IL37: variants seen among roughly 807,000 people sequenced by gnomAD.
IL37 encodes the protein interleukin-37.
Under a neutral mutation model 15.4 loss-of-function variants are expected in IL37, and 15 were observed. The observed-to-expected ratio is 0.98, with a 90% confidence interval of 0.65 to 1.50. IL37 has a LOEUF of 1.50. Among genes scored for constraint, IL37 ranks in the 40% most tolerant of loss-of-function variants. The pLI is 0.00. For missense variants in IL37, 269 were observed against 261.7 expected (o/e 1.03, Z -0.19); for synonymous variants, 98 against 97.4 (o/e 1.01, Z -0.03).
At position 112,918,155 on chromosome 2, in the gene IL37, G is replaced by A. The variant is rs187440057; in HGVS notation, c.408+378G>A. Among the ~76,000 whole-genome samples, 236 of 151,680 alleles carry A rather than the reference G, an allele frequency of 1.6e-3. 1 individual carries two copies. Among genetic ancestry groups the A allele is most frequent in the South Asian group, 5.4e-3 (26 of 4,792 alleles). On this transcript the variant is annotated intron_variant, in intron 5 of 5. Transcript: ENST00000263326. Reference sequence around the variant, plus strand: ...GGTAGGAGGGTGTGAGGGAGCACTCGGAGGGCAGTGTGTCTGCCCTGCAAA... The same window carrying A: ...GGTAGGAGGGTGTGAGGGAGCACTCAGAGGGCAGTGTGTCTGCCCTGCAAA...
rs749879623 is a variant in IL37, at chr2:112,915,309, T to G, written c.145+1455T>G. On this transcript the variant is annotated intron_variant, in intron 3 of 5. Transcript: ENST00000263326. ...GAAAAGTAGCTTCTTAAAAAGAGCA[T>G]TTTCCAGTCTCACCCTGGACTAACT... The G allele has an allele frequency of 2.0e-6, 3 of 1,480,662 alleles. No homozygotes were observed. In the Admixed American group the frequency reaches 5.1e-5, roughly 25 times the overall value. 91.7% of individuals were successfully genotyped at this position (1,480,662 alleles called of 1,614,324 possible).
intron 3 of IL37, 66 bp from the exon 4 acceptor site, chr2:112,917,063 G>C: frequency 6.3e-7 from 1 of 1,583,756 alleles, no homozygotes; most frequent in South Asian, 1.1e-5. Flanking sequence ...CCTTGGACGT[G>C]GGGAAGAAAG....
rs2723171 is a variant in IL37, at chr2:112,911,226, G to C, written c.-73G>C. On this transcript the variant is annotated 5_prime_UTR_variant, in exon 1 of 6. Coordinates refer to ENST00000263326, the MANE Select transcript of IL37 (RefSeq NM_014439.4). ...TCCAGGAGTCCAAGACAGAGCCACA[G>C]ACCACGAGGATCCCTGGCCCAGGTA... Among the ~76,000 whole-genome samples the C allele has an allele frequency of 0.095, 14,477 of 152,288 alleles. 892 individuals are homozygous for C. The highest frequency in any genetic ancestry group is 0.16 in the African/African-American group (6,657 of 41,544).
At chr2:112,912,114 C>T (rs186556397) in intron 1 of IL37, among the ~76,000 whole-genome samples, 1 of 152,272 alleles carries the variant, frequency 6.6e-6, no homozygotes, top group East Asian at 1.9e-4. Context: ...TGGATTTGTA[C>T]ACAAACTGCC....
At chr2:112,912,112 T>C (rs1224492404) in intron 1 of IL37, among the ~76,000 whole-genome samples, 1 of 152,236 alleles carries the variant, frequency 6.6e-6, no homozygotes, top group African/African-American at 2.4e-5. Context: ...ATTGGATTTG[T>C]ACACAAACTG....
intron 3 of IL37, among the ~76,000 whole-genome samples, chr2:112,915,909 A>G (rs1227486270): frequency 1.3e-5 from 2 of 152,168 alleles, no homozygotes; most frequent in Admixed American, 1.3e-4. Flanking sequence ...AAGGATGCCA[A>G]TACCTGTGTG....
At position 112,918,864 on chromosome 2, in the gene IL37, A is replaced by G. The variant is rs2104982128; in HGVS notation, c.*55A>G. ...TAATTTGAACTAATTGTATAAAAAC[A>G]CCAAACCTGCTCACTAAACTTTCTG... On this transcript the variant is annotated 3_prime_UTR_variant, in exon 6 of 6. Transcript: ENST00000263326. 3 of 1,544,694 alleles carry G rather than the reference A, an allele frequency of 1.9e-6. No individual in the cohort carries two copies. The highest frequency in any genetic ancestry group is 2.6e-6 in the Non-Finnish European group (3 of 1,136,808).
intron 2 of IL37, 46 bp downstream of exon 2, chr2:112,913,140 T>G (rs942131036): frequency 7.4e-7 from 1 of 1,355,446 alleles, no homozygotes; most frequent in East Asian, 2.7e-5. Context: ...GTGTAATTCC[T>G]AGAGCAGAAC....
Position 112,913,798 on chromosome 2 carries a change from C to T in IL37, c.89C>T (p.Ala30Val). Residue 30 changes from alanine (A) to valine (V), a missense_variant, in exon 3 of 6, where the codon GCT (alanine) becomes GTT (valine). Ala to Val is a moderately conservative substitution (Grantham distance 64). Coordinates refer to ENST00000263326, the MANE Select transcript of IL37 (RefSeq NM_014439.4). Reference protein sequence around the residue: ...DEPQCCLEDPAGSPLEPGPSL... With the variant: ...DEPQCCLEDPVGSPLEPGPSL... Reference sequence around the variant, plus strand: ...TCACTGCGTCTGACTGCAGACCCGGCTGGAAGCCCCCTGGAACCAGGCCCA... The same window carrying T: ...TCACTGCGTCTGACTGCAGACCCGGTTGGAAGCCCCCTGGAACCAGGCCCA... 6.2e-7 allele frequency: 1 copy of T among 1,613,694 alleles called. No homozygotes were observed. The highest frequency in any genetic ancestry group is 8.5e-7 in the Non-Finnish European group (1 of 1,179,620).
intron 3 of IL37, among the ~76,000 whole-genome samples, chr2:112,916,278 C>T (rs1370063438): frequency 6.6e-6 from 1 of 152,188 alleles, no homozygotes; most frequent in Non-Finnish European, 1.5e-5. Context: ...CTGGCCCAGC[C>T]TGGGGGCCCC....
At chr2:112,912,039 A>G (rs1683188715) in intron 1 of IL37, among the ~76,000 whole-genome samples, 1 of 152,084 alleles carries the variant, frequency 6.6e-6, no homozygotes. Flanking sequence ...CTTCCTTGTC[A>G]TTTTTATTTT....
At chr2:112,918,186 T>C (rs935985217) in intron 5 of IL37, among the ~76,000 whole-genome samples, 4 of 62,122 alleles carry the variant, frequency 6.4e-5, no homozygotes, top group African/African-American at 1.6e-4. Flanking sequence ...GCAAATTTAG[T>C]CCTGGATGGA....
At chr2:112,913,877 T>G (rs1683238792) in intron 3 of IL37, 23 bp downstream of exon 3, 1 of 1,586,494 alleles carries the variant, frequency 6.3e-7, no homozygotes, top group Non-Finnish European at 8.6e-7. Flanking sequence ...GGTGAGGTGA[T>G]GGGGGTGGCT....
chr2:112,911,344 C>T (rs1683174078), intron 1 of IL37, among the ~76,000 whole-genome samples, 96 bp downstream of exon 1: 1 of 152,180 alleles, frequency 6.6e-6, no homozygotes, highest in Non-Finnish European at 1.5e-5. Context: ...TTTATCCCCA[C>T]TGGAAGCACA....
chr2:112,911,213 A>C lies in IL37; in HGVS notation c.-86A>C, dbSNP rs1683171198. 6.6e-6 allele frequency among the ~76,000 whole-genome samples: 1 copy of C among 152,246 alleles called. No individual in the cohort carries two copies. ...AGGCAAACAGAGCTCCAGGAGTCCA[A>C]GACAGAGCCACAGACCACGAGGATC... On this transcript the variant is annotated 5_prime_UTR_variant, in exon 1 of 6. Coordinates refer to ENST00000263326, the MANE Select transcript of IL37 (RefSeq NM_014439.4).
chr2:112,914,911 T>G (rs1427259009), intron 3 of IL37, among the ~76,000 whole-genome samples: 1 of 152,148 alleles, frequency 6.6e-6, no homozygotes, highest in African/African-American at 2.4e-5. Context: ...GCGCTGAGGC[T>G]CTAGGGGCTG....
chr2:112,917,715 G>T lies in IL37; in HGVS notation c.346G>T (p.Gly116Trp). ...GSPILLGVSK[G>W]EFCLYCDKDK... Reference sequence around the variant, plus strand: ...TCCGATTCTCCTGGGGGTCTCTAAAGGGGAGTTTTGTCTCTACTGTGACAA... The same window carrying T: ...TCCGATTCTCCTGGGGGTCTCTAAATGGGAGTTTTGTCTCTACTGTGACAA... The change falls in exon 5 of 6, where the codon GGG becomes TGG. Residue 116 changes from glycine to tryptophan, a missense_variant. Physicochemically the swap from Gly to Trp is radical, Grantham distance 184. Transcript: ENST00000263326. 6.2e-7 allele frequency: 1 copy of T among 1,613,996 alleles called. No homozygotes were observed. Among genetic ancestry groups the T allele is most frequent in the Non-Finnish European group, 8.5e-7 (1 of 1,179,942 alleles).
At chr2:112,914,523 A>C (rs1683254386) in intron 3 of IL37, among the ~76,000 whole-genome samples, 1 of 152,230 alleles carries the variant, frequency 6.6e-6, no homozygotes, top group Admixed American at 6.5e-5. Context: ...TCATGTGGGA[A>C]TACTGAGCCT....
chr2:112,912,930 A>T, intron 1 of IL37, 33 bp from the exon 2 acceptor site: 6 of 968,260 alleles, frequency 6.2e-6, no homozygotes, highest in Admixed American at 2.5e-5. Flanking sequence ...GGGTGAGAAG[A>T]TGCCATAACT....
Sources: allele counts gnomAD v4.1 joint callset (sites outside exome capture counted in the v4.1 genomes callset), GRCh38; gene constraint gnomAD v4.1.1; transcripts MANE v1.5; gene names NCBI Gene and HGNC (gene_info 2026-07-23, HGNC 2026-07-21).